Variants in SEL1L3 observed in about 807,000 individuals in gnomAD.
SEL1L3 encodes the protein SEL1L family member 3, also known as protein sel-1 homolog 3.
Under a neutral mutation model 142.8 loss-of-function variants are expected in SEL1L3, and 76 were observed. The ratio of observed to expected loss-of-function variants is 0.53; its 90% confidence interval spans 0.44 to 0.64. The LOEUF (loss-of-function observed/expected upper bound fraction) is 0.64. Ranked by LOEUF, SEL1L3 falls within the 30% of genes least tolerant of loss-of-function variation. The pLI, the probability that SEL1L3 is intolerant of heterozygous loss-of-function variation, is 0.00. For synonymous variants in SEL1L3, 504 were observed against 519.6 expected (o/e 0.97, Z 0.41); for missense variants, 1,262 against 1,381.7 (o/e 0.91, Z 1.37).
At chr4:25,820,798 T>C (rs1714704450) in intron 7 of SEL1L3, among the ~76,000 whole-genome samples, 1 of 152,240 alleles carries the variant, frequency 6.6e-6, no homozygotes, top group South Asian at 2.1e-4. Context: ...TTTTTTTTAT[T>C]TGAGACAGTC....
intron 19 of SEL1L3, among the ~76,000 whole-genome samples, chr4:25,766,899 C>T (rs1718781761): frequency 6.6e-6 from 1 of 152,132 alleles, no homozygotes; most frequent in South Asian, 2.1e-4. Context: ...GGAGGCCAGT[C>T]CCCCACCATG....
intron 1 of SEL1L3, among the ~76,000 whole-genome samples, chr4:25,856,124 C>T (rs1408591482): frequency 6.6e-6 from 1 of 152,178 alleles, no homozygotes; most frequent in Non-Finnish European, 1.5e-5. Flanking sequence ...ACATTCTAGA[C>T]CGTTTCCATT....
Position 25,748,578 on chromosome 4 carries a change from T to G in SEL1L3, c.3260-14A>C, listed in dbSNP as rs369037095. 6 of 1,605,358 alleles carry G rather than the reference T, an allele frequency of 3.7e-6. No homozygotes were observed. Among genetic ancestry groups the G allele is most frequent in the Non-Finnish European group, 4.3e-6 (5 of 1,176,220 alleles). ...GGGGATCGCTTGCTGCAGAGACACA[T>G]GCACAACAGGTGCTGAATACTCAAA... On this transcript the variant is annotated splice_polypyrimidine_tract_variant and intron_variant, in intron 23 of 23. Transcript: ENST00000399878.
At chr4:25,794,816 C>A (rs541853483) in intron 11 of SEL1L3, among the ~76,000 whole-genome samples, 2 of 152,102 alleles carry the variant, frequency 1.3e-5, no homozygotes, top group South Asian at 2.1e-4. Flanking sequence ...AAATGCCCAT[C>A]AGTGATAGAC....
intron 1 of SEL1L3, among the ~76,000 whole-genome samples, chr4:25,858,730 T>G (rs1379036069): frequency 6.6e-6 from 1 of 152,040 alleles, no homozygotes; most frequent in African/African-American, 2.4e-5. Context: ...GGATTATAGG[T>G]GCACGCCACC....
At chr4:25,797,346 A>G (rs78368495) in intron 11 of SEL1L3, among the ~76,000 whole-genome samples, 2 of 151,874 alleles carry the variant, frequency 1.3e-5, no homozygotes, top group South Asian at 4.2e-4. Context: ...CTGCACTTCA[A>G]CCGCTCACCT....
intron 11 of SEL1L3, among the ~76,000 whole-genome samples, chr4:25,794,457 G>A (rs571754447): frequency 2.0e-5 from 3 of 152,326 alleles, no homozygotes; most frequent in African/African-American, 7.2e-5. Flanking sequence ...TTAGAGAAAT[G>A]CAAATCAAAA....
chr4:25,742,465 T>C (rs1717147993), downstream of SEL1L3, among the ~76,000 whole-genome samples: 1 of 152,148 alleles, frequency 6.6e-6, no homozygotes, highest in South Asian at 2.1e-4. Flanking sequence ...ACCTGGCTAA[T>C]TTTTGTATTT....
At chr4:25,727,882 G>T in the SEL1L3 span, among the ~76,000 whole-genome samples, 2 of 152,134 alleles carry the variant, frequency 1.3e-5, no homozygotes, top group Non-Finnish European at 2.9e-5. Flanking sequence ...CTGTGCCCAC[G>T]CATCACAGCC....
chr4:25,797,853 T>C (rs1266171181), intron 11 of SEL1L3, among the ~76,000 whole-genome samples: 2 of 152,202 alleles, frequency 1.3e-5, no homozygotes, highest in African/African-American at 4.8e-5. Context: ...GAGCCAGCTC[T>C]GTCACCCTGC....
chr4:25,714,650 C>T, the SEL1L3 span, among the ~76,000 whole-genome samples: 1 of 151,158 alleles, frequency 6.6e-6, no homozygotes, highest in Non-Finnish European at 1.5e-5. Context: ...TGGCTCACTG[C>T]AACCTCCATC....
At chr4:25,833,169 T>C in intron 4 of SEL1L3, 59 bp from the exon 5 acceptor site, 1 of 967,412 alleles carries the variant, frequency 1.0e-6, no homozygotes, top group Non-Finnish European at 1.7e-6. Flanking sequence ...GTGAATGAAG[T>C]AGCTAGGCCT....
chr4:25,739,072 G>T, the SEL1L3 span, among the ~76,000 whole-genome samples: 1 of 151,952 alleles, frequency 6.6e-6, no homozygotes, highest in African/African-American at 2.4e-5. Context: ...GCCAGGCATG[G>T]TGGGGGCACA....
At chr4:25,803,711 G>T (rs1395202115) in intron 10 of SEL1L3, among the ~76,000 whole-genome samples, 3 of 152,046 alleles carry the variant, frequency 2.0e-5, no homozygotes, top group Non-Finnish European at 4.4e-5. Flanking sequence ...AGAGGAAAGA[G>T]AAATTGGTCC....
intron 19 of SEL1L3, among the ~76,000 whole-genome samples, chr4:25,766,342 A>C (rs1366669470): frequency 6.6e-6 from 1 of 151,180 alleles, no homozygotes; most frequent in East Asian, 2.0e-4. Flanking sequence ...CAGGAGGCTG[A>C]GGCAGGAGAA....
At chr4:25,800,784 AT>A (rs1713130037) in intron 11 of SEL1L3, among the ~76,000 whole-genome samples, 1 of 152,218 alleles carries the variant, frequency 6.6e-6, no homozygotes, top group Admixed American at 6.5e-5. Context: ...AGGAATCATT[AT>A]TTTCAAAAGG....
chr4:25,833,134 G>A, intron 4 of SEL1L3, 24 bp from the exon 5 acceptor site: 1 of 1,305,010 alleles, frequency 7.7e-7, no homozygotes, highest in Admixed American at 1.7e-5. Context: ...TCGAGCACAT[G>A]AAAATGAGCA....
intron 20 of SEL1L3, among the ~76,000 whole-genome samples, chr4:25,763,219 C>T (rs1432836966): frequency 6.7e-6 from 1 of 150,078 alleles, no homozygotes; most frequent in African/African-American, 2.4e-5. Context: ...TTTTAAGTGA[C>T]AGGAAATATG....
intron 6 of SEL1L3, among the ~76,000 whole-genome samples, chr4:25,829,588 A>T (rs1289022160): frequency 6.6e-6 from 1 of 152,194 alleles, no homozygotes; most frequent in Non-Finnish European, 1.5e-5. Context: ...CAGGCAGGAA[A>T]CTCAGTTCTT....
Sources: gnomAD v4.1 joint callset for allele counts (sites outside exome capture counted in the v4.1 genomes callset) on GRCh38, gnomAD v4.1.1 for gene constraint, MANE v1.5 for transcripts, NCBI Gene and HGNC (gene_info 2026-07-23, HGNC 2026-07-21) for gene names.